ARMC9: variants seen among roughly 807,000 people sequenced by gnomAD.
ARMC9 encodes armadillo repeat containing 9.
In ARMC9, 94 loss-of-function variants were observed where a neutral mutation model predicts 107.0. That is an observed-to-expected ratio of 0.88 (90% confidence interval 0.74 to 1.04). The LOEUF (loss-of-function observed/expected upper bound fraction) is 1.04, where lower values mean the gene tolerates loss of function less well. Among genes scored for constraint, ARMC9 ranks in the 50% least tolerant of loss-of-function variants. The pLI is 0.00. For synonymous variants in ARMC9, 380 were observed against 396.9 expected (o/e 0.96, Z 0.51); for missense variants, 942 against 1,030.1 (o/e 0.91, Z 1.17).
intron 8 of ARMC9, among the ~76,000 whole-genome samples, chr2:231,237,262 C>T (rs1333544093): frequency 6.6e-6 from 1 of 151,810 alleles, no homozygotes; most frequent in Non-Finnish European, 1.5e-5. Flanking sequence ...ATGCATTACT[C>T]TTCTGAAACT....
At chr2:231,279,074 G>A (rs2039996415) in intron 16 of ARMC9, among the ~76,000 whole-genome samples, 2 of 152,120 alleles carry the variant, frequency 1.3e-5, no homozygotes, top group Admixed American at 6.5e-5. Flanking sequence ...CCTGCCCCAT[G>A]GGAGCCTGTG....
At chr2:231,359,828 C>T (rs1157044345) in intron 22 of ARMC9, among the ~76,000 whole-genome samples, 1 of 152,174 alleles carries the variant, frequency 6.6e-6, no homozygotes, top group Non-Finnish European at 1.5e-5. Flanking sequence ...AATAGATTCT[C>T]GTTTGGGTCA....
intron 3 of ARMC9, among the ~76,000 whole-genome samples, chr2:231,212,204 AT>A (rs2032967376): frequency 6.6e-6 from 1 of 152,140 alleles, no homozygotes; most frequent in Non-Finnish European, 1.5e-5. Flanking sequence ...TGGTGTACAC[AT>A]TTTCTCATCT....
intron 17 of ARMC9, among the ~76,000 whole-genome samples, chr2:231,290,199 G>A (rs1190218375): frequency 6.6e-6 from 1 of 152,216 alleles, no homozygotes; most frequent in Non-Finnish European, 1.5e-5. Context: ...ATGAAGTTGA[G>A]TGATTTGAGT....
At chr2:231,340,460 T>G (rs772733733) in intron 20 of ARMC9, among the ~76,000 whole-genome samples, 2 of 152,226 alleles carry the variant, frequency 1.3e-5, no homozygotes, top group Non-Finnish European at 2.9e-5. Context: ...TTTGAAGTTT[T>G]CTTGCACACT....
At chr2:231,351,074 C>G (rs2045055480) in intron 21 of ARMC9, among the ~76,000 whole-genome samples, 1 of 140,158 alleles carries the variant, frequency 7.1e-6, no homozygotes, top group Non-Finnish European at 1.5e-5. Context: ...TCTCCTGCCT[C>G]AGCTTCCCGA....
At chr2:231,312,917 G>A (rs1441939975) in intron 19 of ARMC9, among the ~76,000 whole-genome samples, 5 of 152,024 alleles carry the variant, frequency 3.3e-5, no homozygotes, top group African/African-American at 9.7e-5. Flanking sequence ...TAGTTCTCCC[G>A]AGTGGATCAA....
At chr2:231,234,629 T>TCTGTTGCC (rs1385017383) in intron 7 of ARMC9, among the ~76,000 whole-genome samples, 1 of 152,168 alleles carries the variant, frequency 6.6e-6, no homozygotes, top group Non-Finnish European at 1.5e-5. Flanking sequence ...AGAGTCTCAC[T>TCTGTTGCC]CTGTTGCCCA....
Position 231,289,451 on chromosome 2 carries a change from A to G in ARMC9, c.1627-1902A>G, listed in dbSNP as rs183151055. ...CACTGCACTCCAGCCTGAGTGATAGAGCAAGACTCCATCTCAAAAAATAAA... is the reference window on the plus strand; with the variant it reads ...CACTGCACTCCAGCCTGAGTGATAGGGCAAGACTCCATCTCAAAAAATAAA... On this transcript the variant is annotated intron_variant, in intron 17 of 24. Coordinates refer to ENST00000611582, the MANE Select transcript of ARMC9 (RefSeq NM_001352754.2). 1.8e-3 allele frequency among the ~76,000 whole-genome samples: 267 copies of G among 152,342 alleles called. 2 individuals are homozygous for G. Among genetic ancestry groups the G allele is most frequent in the African/African-American group, 5.8e-3 (243 of 41,556 alleles).
intron 20 of ARMC9, among the ~76,000 whole-genome samples, chr2:231,341,885 C>G (rs576082073): frequency 1.4e-4 from 21 of 152,228 alleles, no homozygotes; most frequent in Admixed American, 4.6e-4. Flanking sequence ...GTAGCAGAAC[C>G]TTCTTTCAAA....
intron 20 of ARMC9, among the ~76,000 whole-genome samples, chr2:231,333,086 C>T (rs2043852176): frequency 6.6e-6 from 1 of 152,184 alleles, no homozygotes; most frequent in Non-Finnish European, 1.5e-5. Flanking sequence ...CTTGGCACCT[C>T]CCCAGGACAC....
chr2:231,350,076 G>T (rs2044995873), intron 21 of ARMC9, among the ~76,000 whole-genome samples: 1 of 151,754 alleles, frequency 6.6e-6, no homozygotes, highest in Non-Finnish European at 1.5e-5. Flanking sequence ...GCCCAGGCTG[G>T]AGTGCAGTGG....
intron 5 of ARMC9, among the ~76,000 whole-genome samples, chr2:231,217,840 G>A (rs932911620): frequency 6.6e-6 from 1 of 152,056 alleles, no homozygotes; most frequent in Non-Finnish European, 1.5e-5. Context: ...CTACAGGTGC[G>A]CACCAGCACA....
At chr2:231,230,885 T>C (rs1302246664) in intron 7 of ARMC9, among the ~76,000 whole-genome samples, 1 of 152,240 alleles carries the variant, frequency 6.6e-6, no homozygotes, top group African/African-American at 2.4e-5. Context: ...CCTGAGGTGG[T>C]TGAATCCACA....
intron 1 of ARMC9, among the ~76,000 whole-genome samples, chr2:231,205,993 C>T (rs1381033571): frequency 1.3e-5 from 2 of 152,198 alleles, no homozygotes; most frequent in South Asian, 2.1e-4. Context: ...AGGATCATCC[C>T]CCAATTTAAA....
chr2:231,265,455 T>C (rs2038773699), intron 12 of ARMC9, among the ~76,000 whole-genome samples: 1 of 152,198 alleles, frequency 6.6e-6, no homozygotes, highest in Admixed American at 6.5e-5. Flanking sequence ...GCAATTTGGA[T>C]GGAGCTGGAG....
intron 19 of ARMC9, among the ~76,000 whole-genome samples, chr2:231,325,760 C>T (rs1044818064): frequency 5.9e-5 from 9 of 152,198 alleles, no homozygotes; most frequent in African/African-American, 1.7e-4. Context: ...CTTCCGTAAC[C>T]GTCCCAGAGT....
intron 24 of ARMC9, chr2:231,371,058 C>A (rs1243551648): frequency 3.1e-5 from 14 of 457,778 alleles, no homozygotes; most frequent in Non-Finnish European, 6.1e-5. Flanking sequence ...CACCCAAAAC[C>A]CCAGCCCAGC....
At chr2:231,287,362 A>C (rs1372044507) in intron 17 of ARMC9, among the ~76,000 whole-genome samples, 2 of 152,098 alleles carry the variant, frequency 1.3e-5, no homozygotes, top group Admixed American at 1.3e-4. Flanking sequence ...GTGTGCCTGC[A>C]CCCTAGCTGC....
Sources: allele counts gnomAD v4.1 joint callset (sites outside exome capture counted in the v4.1 genomes callset), GRCh38; gene constraint gnomAD v4.1.1; transcripts MANE v1.5; gene names NCBI Gene and HGNC (gene_info 2026-07-23, HGNC 2026-07-21).